GPC1: variants seen among roughly 807,000 people sequenced by gnomAD.
The protein encoded by GPC1 is glypican 1.
Under a neutral mutation model 51.5 loss-of-function variants are expected in GPC1, and 26 were observed. The observed-to-expected ratio is 0.50, with a 90% CI of 0.37 to 0.70. The LOEUF is 0.70. Among genes scored for constraint, GPC1 ranks in the 30% least tolerant of loss-of-function variants. GPC1 has a pLI of 0.00. For synonymous variants in GPC1, 380 were observed against 348.3 expected (o/e 1.09, Z -1.01); for missense variants, 775 against 800.5 (o/e 0.97, Z 0.38).
rs1271128494 is a variant in GPC1 at position 240,465,533 on chromosome 2, G to C, written c.1329G>C (p.Glu443Asp). 1.2e-6 allele frequency: 2 copies of C among 1,613,228 alleles called. No homozygotes were observed. Among genetic ancestry groups the C allele is most frequent in the Non-Finnish European group, 1.7e-6 (2 of 1,180,014 alleles). ...LANQINNPEV[E>D]VDITKPDMTI... is the part of the protein sequence containing the mutation. ...ACCAGATCAACAACCCCGAGGTGGAGGTGGACATCACCAAGCCGGACATGA... is the reference window on the plus strand; with the variant it reads ...ACCAGATCAACAACCCCGAGGTGGACGTGGACATCACCAAGCCGGACATGA... Residue 443 changes from glutamate (E) to aspartate (D), a missense_variant, in exon 8 of 9, where the codon GAG becomes GAC. Physicochemically the swap from Glu to Asp is conservative, Grantham distance 45 (BLOSUM62 2). Transcript: ENST00000264039.
At chr2:240,436,744 A>G (rs370001531) in intron 1 of GPC1, among the ~76,000 whole-genome samples, 50 of 152,330 alleles carry the variant, frequency 3.3e-4, no homozygotes, top group African/African-American at 1.2e-3. Context: ...TTCCTGTCGA[A>G]GAACTTGTAC....
chr2:240,464,803 A>G (rs2074246739), intron 5 of GPC1, 53 bp from the exon 6 acceptor site: 2 of 1,569,992 alleles, frequency 1.3e-6, no homozygotes, highest in Non-Finnish European at 1.7e-6. Context: ...ATGTGGCCCC[A>G]TTGGGCTTGA....
intron 1 of GPC1, among the ~76,000 whole-genome samples, chr2:240,444,588 C>T (rs1006810686): frequency 3.9e-5 from 4 of 101,604 alleles, no homozygotes; most frequent in South Asian, 2.8e-4. Flanking sequence ...TTCCTGGGTG[C>T]GCCATCAGCA....
At chr2:240,458,173 T>G (rs1339132839) in intron 1 of GPC1, 5 of 440,962 alleles carry the variant, frequency 1.1e-5, no homozygotes, top group South Asian at 8.0e-5. Flanking sequence ...TTCATCACAG[T>G]GCGATGCACA....
intron 1 of GPC1, chr2:240,457,828 G>A: frequency 3.0e-6 from 1 of 331,526 alleles, no homozygotes; most frequent in Middle Eastern, 1.1e-3. Flanking sequence ...CAGCCACCCT[G>A]GCCCAGGGTC....
chr2:240,444,867 G>T (rs960065555), intron 1 of GPC1, among the ~76,000 whole-genome samples: 2 of 152,124 alleles, frequency 1.3e-5, no homozygotes, highest in African/African-American at 4.8e-5. Context: ...CTCAAGAACC[G>T]GGGCCAGGAG....
At chr2:240,443,251 T>C (rs540113927) in intron 1 of GPC1, among the ~76,000 whole-genome samples, 1 of 152,304 alleles carries the variant, frequency 6.6e-6, no homozygotes, top group African/African-American at 2.4e-5. Flanking sequence ...GAGTGTGCCT[T>C]GGACAGGCCC....
intron 1 of GPC1, chr2:240,457,567 G>T: frequency 2.3e-6 from 1 of 440,382 alleles, no homozygotes. Flanking sequence ...TGCAGTAAGC[G>T]GGTAGGGCAC....
intron 1 of GPC1, chr2:240,450,322 A>T (rs138667411): frequency 1.2e-5 from 4 of 336,384 alleles, no homozygotes; most frequent in Non-Finnish European, 2.3e-5. Context: ...CTCCTGCTTC[A>T]GCCTTTGCCT....
Position 240,435,808 on chromosome 2 carries a change from C to G in GPC1, c.-111C>G, listed in dbSNP as rs1348608843. Reference sequence around the variant, plus strand: ...GCCGCCGCCGCCTCTGGACCGCGAGCCGCGCGCGCCGGGACCTTGGCTCTG... The same window carrying G: ...GCCGCCGCCGCCTCTGGACCGCGAGGCGCGCGCGCCGGGACCTTGGCTCTG... On this transcript the variant is annotated 5_prime_UTR_variant, in exon 1 of 9. Coordinates refer to ENST00000264039, the MANE Select transcript of GPC1 (RefSeq NM_002081.3). 4.3e-6 allele frequency: 3 copies of G among 694,636 alleles called. No homozygotes were observed. The highest frequency in any genetic ancestry group is 6.9e-5 in the South Asian group (1 of 14,418). The allele number at this position is 694,636 out of a possible 1,614,324, so 43.0% of individuals were successfully genotyped here. A position where few individuals can be genotyped will look rare whatever the true frequency, so the allele number is the denominator to read the frequency against.
In GPC1 at chr2:240,463,411, G is replaced by C; in HGVS notation, c.782G>C (p.Gly261Ala). 6.2e-7 allele frequency: 1 copy of C among 1,612,774 alleles called. No individual in the cohort carries two copies. Among genetic ancestry groups the C allele is most frequent in the Non-Finnish European group, 8.5e-7 (1 of 1,179,734 alleles). ...CTGGTCTACTGTGCTCACTGCCTGGGAGTCCCCGGCGCCAGGCCCTGCCCT... is the reference window on the plus strand; with the variant it reads ...CTGGTCTACTGTGCTCACTGCCTGGCAGTCCCCGGCGCCAGGCCCTGCCCT... ...MKLVYCAHCL[G>A]VPGARPCPDY... The change falls in exon 4 of 9, where the codon GGA becomes GCA. Residue 261 changes from glycine to alanine, a missense_variant. Physicochemically the swap from Gly to Ala is moderately conservative, Grantham distance 60. Coordinates refer to ENST00000264039, the MANE Select transcript of GPC1 (RefSeq NM_002081.3).
At chr2:240,450,066 C>G (rs2074083600) in intron 1 of GPC1, 1 of 365,132 alleles carries the variant, frequency 2.7e-6, no homozygotes, top group African/African-American at 2.1e-5. Context: ...CAAATACTTT[C>G]ATACTGTACT....
At chr2:240,443,036 G>A (rs1353599665) in intron 1 of GPC1, among the ~76,000 whole-genome samples, 4 of 152,238 alleles carry the variant, frequency 2.6e-5, no homozygotes, top group Non-Finnish European at 5.9e-5. Context: ...TCCTGCCGTG[G>A]GCCTCCGCTT....
chr2:240,451,966 G>A (rs2074102857), intron 1 of GPC1: 1 of 152,854 alleles, frequency 6.5e-6, no homozygotes, highest in Non-Finnish European at 1.5e-5. Context: ...GGGGTCTCCG[G>A]TGTTGTGGCC....
intron 1 of GPC1, chr2:240,457,323 A>ACAT: frequency 1.2e-5 from 5 of 432,606 alleles, no homozygotes; most frequent in Non-Finnish European, 2.5e-5. Flanking sequence ...GCAGGCACAG[A>ACAT]GGCTACAGGG....
chr2:240,454,030 C>T (rs978652416), intron 1 of GPC1, among the ~76,000 whole-genome samples: 4 of 150,460 alleles, frequency 2.7e-5, no homozygotes, highest in Non-Finnish European at 4.4e-5. Context: ...GGAGGGGCTC[C>T]TTGGCGACGC....
intron 1 of GPC1, among the ~76,000 whole-genome samples, chr2:240,455,320 G>A (rs752683237): frequency 1.3e-5 from 2 of 152,212 alleles, no homozygotes; most frequent in South Asian, 2.1e-4. Flanking sequence ...TGGAAGGATG[G>A]GTCGGCTACA....
At chr2:240,465,352 G>C (rs1046223757) in intron 7 of GPC1, 121 bp from the exon 8 acceptor site, 1 of 1,337,802 alleles carries the variant, frequency 7.5e-7, no homozygotes, top group Non-Finnish European at 1.0e-6. Flanking sequence ...TGTGGGCTCT[G>C]CTCGGTCCCT....
At position 240,464,968 on chromosome 2, in the gene GPC1, A is replaced by G; in HGVS notation, c.1127A>G (p.Glu376Gly). ...PRERPPSGTL[E>G]KLVSEAKAQL... ...GAGAGGCCACCTTCAGGCACGCTGG[A>G]GAAGCTGGTGAGTGGCCCCTGCGTG... The change falls in exon 6 of 9, where the codon GAG becomes GGG. Residue 376 changes from glutamate (E) to glycine (G), a missense_variant. Physicochemically the swap from Glu to Gly is moderately conservative, Grantham distance 98 (BLOSUM62 -2). Transcript: ENST00000264039. 6.4e-7 allele frequency: 1 copy of G among 1,554,458 alleles called. No individual in the cohort carries two copies. The highest frequency in any genetic ancestry group is 8.7e-7 in the Non-Finnish European group (1 of 1,149,328).
Sources: allele counts gnomAD v4.1 joint callset (sites outside exome capture counted in the v4.1 genomes callset), GRCh38; gene constraint gnomAD v4.1.1; transcripts MANE v1.5; gene names NCBI Gene and HGNC (gene_info 2026-07-23, HGNC 2026-07-21).